Variants in MAPRE2 observed in about 807,000 individuals in gnomAD.
The protein encoded by MAPRE2 is microtubule-associated protein RP/EB family member 2.
A neutral mutation model predicts 43.2 loss-of-function variants in MAPRE2; 13 were observed. That is an observed-to-expected ratio of 0.30 (90% CI 0.20 to 0.48). The LOEUF is 0.48. Ranked by LOEUF, MAPRE2 falls within the 20% of genes least tolerant of loss-of-function variation. MAPRE2 has a pLI of 0.99. For synonymous variants in MAPRE2, 135 were observed against 148.8 expected (o/e 0.91, Z 0.68); for missense variants, 161 against 400.2 (o/e 0.40, Z 5.10).
intron 1 of MAPRE2, among the ~76,000 whole-genome samples, chr18:35,047,730 A>C (rs1028661671): frequency 2.0e-5 from 3 of 151,840 alleles, no homozygotes; most frequent in East Asian, 1.9e-4. Context: ...AAAAAAAAAA[A>C]AACACTGTGT....
At chr18:35,089,121 G>A (rs1908018317) in intron 2 of MAPRE2, among the ~76,000 whole-genome samples, 1 of 152,184 alleles carries the variant, frequency 6.6e-6, no homozygotes, top group South Asian at 2.1e-4. Flanking sequence ...AATGAGGATA[G>A]CAGCAGGAAT....
chr18:35,065,618 A>G (rs1049429053), intron 1 of MAPRE2, among the ~76,000 whole-genome samples: 3 of 151,818 alleles, frequency 2.0e-5, no homozygotes, highest in Non-Finnish European at 2.9e-5. Flanking sequence ...CAGTGGCCCA[A>G]TCTCAACTCA....
At chr18:35,094,932 G>C (rs903400522) in intron 2 of MAPRE2, among the ~76,000 whole-genome samples, 2 of 152,128 alleles carry the variant, frequency 1.3e-5, no homozygotes, top group Non-Finnish European at 2.9e-5. Flanking sequence ...CATCCTTATT[G>C]TTGTGAGGGA....
At chr18:35,106,841 G>T (rs1198522813) in intron 4 of MAPRE2, among the ~76,000 whole-genome samples, 1 of 151,382 alleles carries the variant, frequency 6.6e-6, no homozygotes, top group African/African-American at 2.4e-5. Flanking sequence ...TACCAACCAG[G>T]GGCATGTATT....
upstream of MAPRE2, among the ~76,000 whole-genome samples, chr18:35,039,465 A>G (rs566230667): frequency 6.6e-6 from 1 of 152,266 alleles, no homozygotes; most frequent in South Asian, 2.1e-4. Flanking sequence ...ATTGTATAAG[A>G]AAAAAAATCT....
At chr18:35,083,392 T>C (rs1245482042) in intron 2 of MAPRE2, among the ~76,000 whole-genome samples, 2 of 152,254 alleles carry the variant, frequency 1.3e-5, no homozygotes, top group Non-Finnish European at 2.9e-5. Flanking sequence ...GTTTCATATG[T>C]AACTTTCGAA....
intron 2 of MAPRE2, among the ~76,000 whole-genome samples, chr18:35,088,367 G>A (rs938562099): frequency 5.9e-5 from 9 of 152,308 alleles, no homozygotes; most frequent in Admixed American, 3.9e-4. Context: ...TCTAGGAACA[G>A]CAAGGAAGCC....
intron 1 of MAPRE2, among the ~76,000 whole-genome samples, chr18:35,004,697 C>T (rs1007982733): frequency 5.3e-5 from 8 of 152,184 alleles, no homozygotes; most frequent in African/African-American, 1.7e-4. Context: ...GCAGGCGGAT[C>T]GCGAGGTCAG....
At chr18:35,110,800 T>C (rs961214361) in intron 4 of MAPRE2, among the ~76,000 whole-genome samples, 14 of 152,190 alleles carry the variant, frequency 9.2e-5, no homozygotes, top group Non-Finnish European at 1.6e-4. Context: ...GCATGTGGCC[T>C]CCAAAGATAA....
chr18:35,041,399 C>T (rs554526442), upstream of MAPRE2: 7 of 1,509,540 alleles, frequency 4.6e-6, no homozygotes, highest in South Asian at 2.5e-5. Flanking sequence ...GGGCGGGGCG[C>T]GAGCGAGAGC....
intron 1 of MAPRE2, among the ~76,000 whole-genome samples, chr18:34,989,707 CCTCT>C (rs141775893): frequency 1.3e-5 from 2 of 151,674 alleles, no homozygotes; most frequent in South Asian, 4.2e-4. Flanking sequence ...TGAGACATTC[CCTCT>C]CTCTCTGTCT....
intron 1 of MAPRE2, among the ~76,000 whole-genome samples, chr18:35,063,861 G>GGT (rs1023215208): frequency 2.0e-5 from 3 of 151,784 alleles, no homozygotes; most frequent in Non-Finnish European, 4.4e-5. Context: ...AGCTGGGAGT[G>GGT]GTGGCACACG....
At chr18:35,107,819 T>G (rs1908978958) in intron 4 of MAPRE2, among the ~76,000 whole-genome samples, 1 of 152,156 alleles carries the variant, frequency 6.6e-6, no homozygotes, top group African/African-American at 2.4e-5. Flanking sequence ...TGGATTTTTT[T>G]GTTGTCCAGT....
intron 1 of MAPRE2, among the ~76,000 whole-genome samples, chr18:35,001,160 GAT>G (rs762860299): frequency 2.0e-5 from 3 of 152,116 alleles, no homozygotes; most frequent in Non-Finnish European, 2.9e-5. Context: ...CATTTTATAA[GAT>G]TTTGAAAATT....
chr18:35,121,906 C>G (rs1449325078), intron 4 of MAPRE2, among the ~76,000 whole-genome samples: 1 of 152,156 alleles, frequency 6.6e-6, no homozygotes, highest in African/African-American at 2.4e-5. Flanking sequence ...AGTATTCTAT[C>G]AATGTTAAGT....
intron 2 of MAPRE2, among the ~76,000 whole-genome samples, chr18:35,030,080 A>G (rs1482982234): frequency 6.6e-6 from 1 of 152,180 alleles, no homozygotes; most frequent in Non-Finnish European, 1.5e-5. Flanking sequence ...TTTTTTCTCT[A>G]TCAATCACAT....
At chr18:35,062,211 A>T (rs1906568714) in intron 1 of MAPRE2, among the ~76,000 whole-genome samples, 1 of 152,366 alleles carries the variant, frequency 6.6e-6, no homozygotes, top group African/African-American at 2.4e-5. Context: ...CCGGAGGATA[A>T]CATATATTCT....
Position 35,097,605 on chromosome 18 carries a change from A to G in MAPRE2, c.396+14A>G, listed in dbSNP as rs1205935879. On this transcript the variant is annotated intron_variant, in intron 3 of 6. Coordinates refer to ENST00000300249, the MANE Select transcript of MAPRE2 (RefSeq NM_014268.4). Reference sequence around the variant, plus strand: ...AACGTTGATAAGGTAGGAGACTTGTACCTCCATAAAATGTGTTGTTTTTTC... The same window carrying G: ...AACGTTGATAAGGTAGGAGACTTGTGCCTCCATAAAATGTGTTGTTTTTTC... The G allele has an allele frequency of 6.2e-7, 1 of 1,602,336 alleles. No individual in the cohort carries two copies. The highest frequency in any genetic ancestry group is 2.2e-5 in the East Asian group (1 of 44,746).
At chr18:35,127,547 T>C (rs1289849763) in intron 5 of MAPRE2, 1 of 155,416 alleles carries the variant, frequency 6.4e-6, no homozygotes, top group Non-Finnish European at 1.4e-5. Context: ...TATTAGTAGT[T>C]GAGCTTATTC....
Sources: allele counts gnomAD v4.1 joint callset (sites outside exome capture counted in the v4.1 genomes callset), GRCh38; gene constraint gnomAD v4.1.1; transcripts MANE v1.5; gene names NCBI Gene and HGNC (gene_info 2026-07-23, HGNC 2026-07-21).